The following FGF14 variants were observed in gnomAD, a reference collection of about 807,000 sequenced individuals.
The protein encoded by FGF14 is fibroblast growth factor 14, also known as fibroblast growth factor homologous factor 4.
In FGF14, 5 loss-of-function variants were observed where a neutral mutation model predicts 25.5. That is an observed-to-expected ratio of 0.20 (90% CI 0.10 to 0.41). FGF14 has a LOEUF of 0.41. Ranked by LOEUF, FGF14 falls within the 10% of genes least tolerant of loss-of-function variation. The pLI is 1.00. For missense variants in FGF14, 222 were observed against 320.1 expected (o/e 0.69, Z 2.34); for synonymous variants, 138 against 118.3 (o/e 1.17, Z -1.08).
chr13:102,109,177 G>A (rs1318337666), intron 1 of FGF14, among the ~76,000 whole-genome samples: 4 of 152,104 alleles, frequency 2.6e-5, no homozygotes, highest in East Asian at 3.8e-4. Context: ...GCTTTGATTC[G>A]AACTCAATTA....
Position 101,738,992 on chromosome 13 carries a change from A to G in FGF14, c.409-12182T>C, listed in dbSNP as rs139338741. 4.3e-3 allele frequency among the ~76,000 whole-genome samples: 633 copies of G among 146,716 alleles called. 15 individuals carry two copies. The highest frequency in any genetic ancestry group is 0.035 in the Admixed American group (510 of 14,492). On this transcript the variant is annotated intron_variant, in intron 3 of 4. Coordinates refer to ENST00000376143, the MANE Select transcript of FGF14 (RefSeq NM_004115.4). ...TATATATGCCAATTGGTGTGTTTATATGTGTGTGTGTGTATATCTATCTAT... is the reference window on the plus strand; with the variant it reads ...TATATATGCCAATTGGTGTGTTTATGTGTGTGTGTGTGTATATCTATCTAT...
At chr13:101,956,341 C>T (rs2036514827) in intron 1 of FGF14, among the ~76,000 whole-genome samples, 1 of 152,184 alleles carries the variant, frequency 6.6e-6, no homozygotes, top group Non-Finnish European at 1.5e-5. Context: ...CATGTAACTC[C>T]TCTCCAATTT....
intron 1 of FGF14, among the ~76,000 whole-genome samples, chr13:102,246,109 A>C (rs991691343): frequency 2.0e-5 from 3 of 152,070 alleles, no homozygotes; most frequent in Admixed American, 2.0e-4. Flanking sequence ...AAGTTCAAGT[A>C]ATTTAGCCAA....
At position 102,359,827 on chromosome 13, in the gene FGF14, G is replaced by T. The variant is rs2057516562; in HGVS notation, c.208+41644C>A. Reference sequence around the variant, plus strand: ...GAAACTACTATGGTGGTTTAGAAGAGAAATAAACCAAAATCAACTTTATGT... The same window carrying T: ...GAAACTACTATGGTGGTTTAGAAGATAAATAAACCAAAATCAACTTTATGT... On this transcript the variant is annotated intron_variant, in intron 1 of 4. Coordinates refer to the FGF14 transcript ENST00000376131. Among the ~76,000 whole-genome samples, 3 of 145,282 alleles carry T rather than the reference G, an allele frequency of 2.1e-5. No individual in the cohort carries two copies. In the South Asian group the frequency reaches 6.5e-4, roughly 31 times the overall value.
At chr13:102,121,513 C>T (rs116415976) in intron 1 of FGF14, among the ~76,000 whole-genome samples, 135 of 152,016 alleles carry the variant, frequency 8.9e-4, no homozygotes, top group African/African-American at 3.0e-3. Flanking sequence ...AAAGTTTAAC[C>T]CTGGGAACCT....
rs1038108301 is a variant in FGF14, at chr13:101,717,517, C to T, written c.*5314G>A. 2.6e-5 allele frequency: 4 copies of T among 152,104 alleles called. No individual in the cohort carries two copies. The highest frequency in any genetic ancestry group is 2.1e-4 in the South Asian group (1 of 4,836). 9.4% of individuals were successfully genotyped at this position (152,104 alleles called of 1,614,324 possible). A position where few individuals can be genotyped will look rare whatever the true frequency, so the allele number is the denominator to read the frequency against. ...TTTGTAGCAATTTTGATGACGTATT[C>T]GCTGATGCACAGACATTGGAATTCA... On this transcript the variant is annotated 3_prime_UTR_variant, in exon 5 of 5. Transcript: ENST00000376143.
chr13:102,345,876 T>C (rs973059963), intron 1 of FGF14, among the ~76,000 whole-genome samples: 1 of 152,234 alleles, frequency 6.6e-6, no homozygotes, highest in Non-Finnish European at 1.5e-5. Context: ...GACCAATCAG[T>C]TGGATAGATT....
At chr13:102,249,467 T>C (rs1338164650) in intron 1 of FGF14, among the ~76,000 whole-genome samples, 3 of 152,104 alleles carry the variant, frequency 2.0e-5, no homozygotes, top group Non-Finnish European at 4.4e-5. Flanking sequence ...TTGAGGGTCA[T>C]GGACAGAGCA....
intron 1 of FGF14, among the ~76,000 whole-genome samples, chr13:102,136,202 T>C (rs1026005281): frequency 6.6e-6 from 1 of 152,160 alleles, no homozygotes; most frequent in Non-Finnish European, 1.5e-5. Context: ...CAAACACTGA[T>C]AGTTGATATT....
At chr13:102,064,511 A>G (rs977027854) in intron 1 of FGF14, among the ~76,000 whole-genome samples, 1 of 151,992 alleles carries the variant, frequency 6.6e-6, no homozygotes, top group African/African-American at 2.4e-5. Context: ...GAAATTTGAA[A>G]AAACAAAATA....
At chr13:101,989,305 A>C (rs949029250) in intron 1 of FGF14, among the ~76,000 whole-genome samples, 3 of 152,122 alleles carry the variant, frequency 2.0e-5, no homozygotes, top group Admixed American at 6.5e-5. Flanking sequence ...ATTCACAAAT[A>C]TAATTTTAAG....
intron 1 of FGF14, among the ~76,000 whole-genome samples, chr13:102,238,977 T>C (rs930527582): frequency 6.6e-6 from 1 of 151,914 alleles, no homozygotes; most frequent in Non-Finnish European, 1.5e-5. Flanking sequence ...CCTATCTGCT[T>C]AATGGAGTGG....
At chr13:102,275,234 T>TCTCTC (rs2053454109) in intron 1 of FGF14, among the ~76,000 whole-genome samples, 3 of 67,446 alleles carry the variant, frequency 4.4e-5, no homozygotes, top group Non-Finnish European at 6.1e-5. Context: ...TTAGGCAGAT[T>TCTCTC]TCTCTCTCTC....
intron 1 of FGF14, among the ~76,000 whole-genome samples, chr13:102,333,635 T>C (rs941123680): frequency 5.3e-5 from 8 of 152,152 alleles, no homozygotes; most frequent in African/African-American, 1.2e-4. Flanking sequence ...TGATGGAACA[T>C]GTAAACAGCT....
intron 1 of FGF14, among the ~76,000 whole-genome samples, chr13:101,875,731 C>T (rs2045354178): frequency 6.6e-6 from 1 of 151,676 alleles, no homozygotes; most frequent in Non-Finnish European, 1.5e-5. Context: ...CAAGTATTCC[C>T]AAAATTAAAA....
At chr13:102,252,713 A>C (rs1212625928) in intron 1 of FGF14, among the ~76,000 whole-genome samples, 1 of 151,870 alleles carries the variant, frequency 6.6e-6, no homozygotes, top group Non-Finnish European at 1.5e-5. Context: ...GTACATGCTC[A>C]GAACGTGCAG....
At chr13:101,979,813 A>G (rs2139600776) in intron 1 of FGF14, among the ~76,000 whole-genome samples, 1 of 152,352 alleles carries the variant, frequency 6.6e-6, no homozygotes, top group East Asian at 1.9e-4. Flanking sequence ...GGAAAAGAAA[A>G]TGACAAGAAA....
intron 1 of FGF14, among the ~76,000 whole-genome samples, chr13:102,006,047 A>G (rs1429278960): frequency 6.6e-6 from 1 of 152,178 alleles, no homozygotes; most frequent in African/African-American, 2.4e-5. Context: ...TCTACCCTCA[A>G]TTTATTCAAA....
intron 1 of FGF14, among the ~76,000 whole-genome samples, chr13:102,036,088 A>T (rs1187971312): frequency 6.6e-6 from 1 of 152,092 alleles, no homozygotes; most frequent in East Asian, 1.9e-4. Context: ...AGAGAAAAAC[A>T]TTATCCCAGG....
Sources: allele counts gnomAD v4.1 joint callset (sites outside exome capture counted in the v4.1 genomes callset), GRCh38; gene constraint gnomAD v4.1.1; transcripts MANE v1.5; gene names NCBI Gene and HGNC (gene_info 2026-07-23, HGNC 2026-07-21).